Variants in RPTOR observed in about 807,000 individuals in gnomAD.
RPTOR encodes the protein regulatory-associated protein of mTOR.
RPTOR carries 21 observed loss-of-function variants against 169.9 expected under a neutral mutation model. That is an observed-to-expected ratio of 0.12 (90% CI 0.09 to 0.18). The LOEUF (loss-of-function observed/expected upper bound fraction) is 0.18, where lower values mean the gene tolerates loss of function less well. RPTOR is among the 10% of genes least tolerant of loss of function. The pLI, the probability that RPTOR is intolerant of heterozygous loss-of-function variation, is 1.00. For missense variants in RPTOR, 1,133 were observed against 1,855.9 expected (o/e 0.61, Z 7.16); for synonymous variants, 732 against 753.2 (o/e 0.97, Z 0.46).
intron 21 of RPTOR, among the ~76,000 whole-genome samples, chr17:80,913,304 C>T (rs1290002539): frequency 6.6e-6 from 1 of 152,080 alleles, no homozygotes; most frequent in East Asian, 1.9e-4. Context: ...CAGAAATTGC[C>T]ACCAGCTCTG....
At chr17:80,792,514 G>A (rs766763823) in intron 7 of RPTOR, among the ~76,000 whole-genome samples, 1 of 152,198 alleles carries the variant, frequency 6.6e-6, no homozygotes, top group Non-Finnish European at 1.5e-5. Context: ...CACTGGTCCT[G>A]ATGTGGAGTG....
rs555439138 is a variant in RPTOR at position 80,721,138 on chromosome 17, G to T, written c.508-9422G>T. On this transcript the variant is annotated intron_variant, in intron 4 of 33. Coordinates refer to ENST00000306801, the MANE Select transcript of RPTOR (RefSeq NM_020761.3). This position sits in a 1 kb window ranked among gnomAD's most constrained non-coding sequence, Gnocchi z 4.7. ...GTGAGAACCAGCTAGACAAGGGGAG[G>T]CCTGGGAGTGCGAGGGGGCTCTGGT... Among the ~76,000 whole-genome samples, 1 of 150,976 alleles carries T rather than the reference G, an allele frequency of 6.6e-6. No individual in the cohort carries two copies. The highest frequency in any genetic ancestry group is 1.9e-4 in the East Asian group (1 of 5,152).
chr17:80,594,602 T>C (rs989977218), intron 1 of RPTOR, among the ~76,000 whole-genome samples: 5 of 152,190 alleles, frequency 3.3e-5, no homozygotes, highest in Non-Finnish European at 4.4e-5. Context: ...ACTCAGAACA[T>C]ATGTGCTCTG....
intron 5 of RPTOR, among the ~76,000 whole-genome samples, chr17:80,743,128 T>A (rs1373991336): frequency 6.6e-6 from 1 of 152,300 alleles, no homozygotes; most frequent in African/African-American, 2.4e-5. Context: ...CTTACTAGTG[T>A]CTCCAGCTTT....
At chr17:80,792,685 T>TAA (rs374802790) in intron 7 of RPTOR, among the ~76,000 whole-genome samples, 1 of 150,118 alleles carries the variant, frequency 6.7e-6, no homozygotes, top group African/African-American at 2.4e-5. Flanking sequence ...AAAATAACTT[T>TAA]AAAAAAAAAA....
chr17:80,864,034 A>G (rs897780214), intron 13 of RPTOR, among the ~76,000 whole-genome samples: 1 of 152,262 alleles, frequency 6.6e-6, no homozygotes, highest in Non-Finnish European at 1.5e-5. Context: ...CAAGTGACAT[A>G]ACGTACTATT....
chr17:80,851,506 A>T (rs918238546), intron 11 of RPTOR, among the ~76,000 whole-genome samples: 4 of 152,240 alleles, frequency 2.6e-5, no homozygotes, highest in Non-Finnish European at 5.9e-5. Context: ...TTGAGAAAAA[A>T]AAAACAGTAC....
intron 2 of RPTOR, among the ~76,000 whole-genome samples, chr17:80,634,007 T>A (rs2065461550): frequency 1.3e-5 from 2 of 152,130 alleles, no homozygotes; most frequent in African/African-American, 4.8e-5. Context: ...TGAACTGGCG[T>A]GCTATTGCTC....
intron 7 of RPTOR, among the ~76,000 whole-genome samples, chr17:80,809,306 C>T (rs1368847834): frequency 6.6e-6 from 1 of 152,212 alleles, no homozygotes; most frequent in Non-Finnish European, 1.5e-5. Context: ...ATTCTCGTGC[C>T]TTAGCCTGTT....
chr17:80,840,551 TCACCGCACGGCAGCTCA>T (rs2067622762), intron 10 of RPTOR, among the ~76,000 whole-genome samples: 5 of 130,272 alleles, frequency 3.8e-5, no homozygotes, highest in East Asian at 2.3e-4. Flanking sequence ...CAGCTCACTC[TCACCGCACGGCAGCTCA>T]CACCGCACGG....
At chr17:80,838,333 G>T (rs1022207502) in intron 10 of RPTOR, among the ~76,000 whole-genome samples, 1 of 152,118 alleles carries the variant, frequency 6.6e-6, no homozygotes, top group Non-Finnish European at 1.5e-5. Flanking sequence ...ATCTCCCCCA[G>T]GCCTCTGACT....
At chr17:80,624,431 G>A (rs7220588) in intron 1 of RPTOR, among the ~76,000 whole-genome samples, 114,319 of 152,172 alleles carry the variant, frequency 0.75, 43,931 homozygotes, top group African/African-American at 0.9. Flanking sequence ...ATTTGAAAAA[G>A]ATAAGTGAAT....
In RPTOR at chr17:80,746,737, C is replaced by T. The variant is rs756566178; in HGVS notation, c.655-7273C>T. On this transcript the variant is annotated intron_variant, in intron 5 of 33. Transcript: ENST00000306801. This position sits in a 1 kb window ranked among gnomAD's most constrained non-coding sequence, Gnocchi z 4.5. ...CCAATCACAAGCACTCAGCCTTACACGCAGGCCTGTTTCTGAAAGATAGTT... is the reference window on the plus strand; with the variant it reads ...CCAATCACAAGCACTCAGCCTTACATGCAGGCCTGTTTCTGAAAGATAGTT... Among the ~76,000 whole-genome samples, 5 of 152,162 alleles carry T rather than the reference C, an allele frequency of 3.3e-5. No individual in the cohort carries two copies. Among genetic ancestry groups the T allele is most frequent in the South Asian group, 2.1e-4 (1 of 4,830 alleles).
In RPTOR at chr17:80,964,344, G is replaced by A; in HGVS notation, c.*14G>A. 6.2e-7 allele frequency: 1 copy of A among 1,604,526 alleles called. No individual in the cohort carries two copies. Among genetic ancestry groups the A allele is most frequent in the Non-Finnish European group, 8.5e-7 (1 of 1,179,682 alleles). On this transcript the variant is annotated 3_prime_UTR_variant, in exon 34 of 34. Coordinates refer to ENST00000306801, the MANE Select transcript of RPTOR (RefSeq NM_020761.3). Reference sequence around the variant, plus strand: ...CGTGTCAGATAGCGGCGTGACCCGGGCCCACCAGGCCACGGCCGCCTGCTG... The same window carrying A: ...CGTGTCAGATAGCGGCGTGACCCGGACCCACCAGGCCACGGCCGCCTGCTG...
At chr17:80,839,087 A>G (rs2043848234) in intron 10 of RPTOR, among the ~76,000 whole-genome samples, 1 of 152,206 alleles carries the variant, frequency 6.6e-6, no homozygotes, top group African/African-American at 2.4e-5. Context: ...AGTGCACACC[A>G]CAGCCGTCAG....
chr17:80,555,209 A>G (rs2084393519), intron 1 of RPTOR, among the ~76,000 whole-genome samples: 1 of 152,222 alleles, frequency 6.6e-6, no homozygotes, highest in Non-Finnish European at 1.5e-5. Context: ...GACATTAGAT[A>G]AGAAACATAA....
At chr17:80,766,206 C>G (rs1291054538) in intron 6 of RPTOR, among the ~76,000 whole-genome samples, 1 of 152,046 alleles carries the variant, frequency 6.6e-6, no homozygotes, top group Non-Finnish European at 1.5e-5. Flanking sequence ...CAGGTGTATG[C>G]CACCATTCTG....
intron 2 of RPTOR, among the ~76,000 whole-genome samples, chr17:80,636,608 C>G (rs1221962863): frequency 6.6e-6 from 1 of 152,104 alleles, no homozygotes; most frequent in African/African-American, 2.4e-5. Flanking sequence ...CCTGAAGGCC[C>G]CATCTCTTCA....
intron 5 of RPTOR, among the ~76,000 whole-genome samples, chr17:80,747,442 A>G (rs1300935657): frequency 6.6e-6 from 1 of 152,200 alleles, no homozygotes; most frequent in African/African-American, 2.4e-5. Flanking sequence ...TTGTCTATAC[A>G]TCAACGTACT....
Sources: allele counts gnomAD v4.1 joint callset (sites outside exome capture counted in the v4.1 genomes callset), GRCh38; gene constraint gnomAD v4.1.1; non-coding constraint Gnocchi (gnomAD v3.1); transcripts MANE v1.5; gene names NCBI Gene and HGNC (gene_info 2026-07-23, HGNC 2026-07-21).